DCDC1: variants seen among roughly 807,000 people sequenced by gnomAD.
The protein encoded by DCDC1 is doublecortin domain containing 1.
In DCDC1, 200 loss-of-function variants were observed where a neutral mutation model predicts 178.3. That is an observed-to-expected ratio of 1.12 (90% confidence interval 1.00 to 1.26). The LOEUF is 1.26. DCDC1 is among the 50% of genes most tolerant of loss of function. The probability of loss-of-function intolerance (pLI) is 0.00; values close to 1 mark genes in which losing one functional copy is unlikely to be tolerated. For synonymous variants in DCDC1, 690 were observed against 604.8 expected (o/e 1.14, Z -2.07); for missense variants, 1,983 against 1,749.2 (o/e 1.13, Z -2.38).
At chr11:31,336,803 C>A (rs191689832) in intron 1 of DCDC1, among the ~76,000 whole-genome samples, 18 of 152,284 alleles carry the variant, frequency 1.2e-4, no homozygotes, top group Non-Finnish European at 2.6e-4. Flanking sequence ...CATGTTATGG[C>A]CAATGGCATG....
chr11:30,989,134 G>T (rs1220342410), intron 20 of DCDC1, among the ~76,000 whole-genome samples: 2 of 152,028 alleles, frequency 1.3e-5, no homozygotes, highest in African/African-American at 2.4e-5. Context: ...CAAAATAAGA[G>T]GGGGGGCAGT....
intron 9 of DCDC1, among the ~76,000 whole-genome samples, chr11:31,159,076 A>G (rs577310475): frequency 9.2e-5 from 14 of 152,318 alleles, no homozygotes; most frequent in African/African-American, 3.1e-4. Context: ...TTTGAGGACT[A>G]TTAAGAAAAT....
At chr11:31,193,108 C>T (rs951678827) in intron 9 of DCDC1, among the ~76,000 whole-genome samples, 1 of 152,118 alleles carries the variant, frequency 6.6e-6, no homozygotes, top group East Asian at 1.9e-4. Flanking sequence ...TGCTGGTTCT[C>T]GGCCTTTGGA....
In DCDC1 at chr11:31,120,836, G is replaced by A. The variant is rs146724305; in HGVS notation, c.1485+6633C>T. Among the ~76,000 whole-genome samples the A allele has an allele frequency of 3.6e-3, 550 of 152,190 alleles. 3 individuals are homozygous for A. Among genetic ancestry groups the A allele is most frequent in the African/African-American group, 0.013 (528 of 41,522 alleles). Reference sequence around the variant, plus strand: ...CTTTTCCACTCACCATCCCCCTACAGATTTGCTAATACCCTTTCCCAGCAA... The same window carrying A: ...CTTTTCCACTCACCATCCCCCTACAAATTTGCTAATACCCTTTCCCAGCAA... On this transcript the variant is annotated intron_variant, in intron 11 of 38. Coordinates refer to ENST00000684477, the MANE Select transcript of DCDC1 (RefSeq NM_001387274.1).
chr11:31,120,851 T>C (rs139227276), intron 11 of DCDC1, among the ~76,000 whole-genome samples: 1 of 152,270 alleles, frequency 6.6e-6, no homozygotes, highest in East Asian at 1.9e-4. Context: ...GCTAATACCC[T>C]TTCCCAGCAA....
chr11:31,241,090 C>T (rs1456447600), intron 9 of DCDC1, among the ~76,000 whole-genome samples: 1 of 151,892 alleles, frequency 6.6e-6, no homozygotes, highest in Non-Finnish European at 1.5e-5. Context: ...TGATTTTATG[C>T]TGGAAAAAAA....
intron 20 of DCDC1, among the ~76,000 whole-genome samples, chr11:31,003,605 A>C (rs1243227896): frequency 3.3e-5 from 5 of 152,236 alleles, no homozygotes; most frequent in Non-Finnish European, 7.3e-5. Context: ...TAATGAAAAT[A>C]AGGAGGAAAG....
intron 9 of DCDC1, among the ~76,000 whole-genome samples, chr11:31,206,537 C>T (rs1172517180): frequency 6.6e-6 from 1 of 152,130 alleles, no homozygotes; most frequent in African/African-American, 2.4e-5. Flanking sequence ...CCTCAGCCTC[C>T]GGAGTAGCTG....
chr11:31,051,069 G>A (rs367794137), intron 20 of DCDC1, among the ~76,000 whole-genome samples: 1 of 151,976 alleles, frequency 6.6e-6, no homozygotes, highest in Non-Finnish European at 1.5e-5. Flanking sequence ...CCAATCCAAG[G>A]AAATCCAAAA....
intron 9 of DCDC1, among the ~76,000 whole-genome samples, chr11:31,147,712 T>C (rs1048851743): frequency 5.3e-5 from 8 of 152,152 alleles, no homozygotes; most frequent in Non-Finnish European, 8.8e-5. Context: ...TTAGGGCTGA[T>C]GGGTTGCAAT....
intron 9 of DCDC1, among the ~76,000 whole-genome samples, chr11:31,220,197 C>A (rs1289792798): frequency 6.6e-6 from 1 of 152,070 alleles, no homozygotes; most frequent in Non-Finnish European, 1.5e-5. Context: ...ATAAAACACT[C>A]AATAAGGATT....
intron 1 of DCDC1, among the ~76,000 whole-genome samples, chr11:31,362,200 C>T (rs1027099734): frequency 6.6e-6 from 1 of 152,104 alleles, no homozygotes; most frequent in Non-Finnish European, 1.5e-5. Context: ...GTACACTGTA[C>T]TATGGAATAA....
At chr11:31,168,775 A>G (rs1373285835) in intron 9 of DCDC1, among the ~76,000 whole-genome samples, 1 of 147,244 alleles carries the variant, frequency 6.8e-6, no homozygotes, top group Non-Finnish European at 1.5e-5. Context: ...AGATTGTTGT[A>G]AGGAGTAAAT....
chr11:31,252,970 A>G (rs1944155412), intron 8 of DCDC1, among the ~76,000 whole-genome samples: 1 of 152,086 alleles, frequency 6.6e-6, no homozygotes, highest in African/African-American at 2.4e-5. Flanking sequence ...TAAATCAATC[A>G]ACAACACTGT....
At chr11:30,936,280 G>T (rs527324470) in intron 21 of DCDC1, among the ~76,000 whole-genome samples, 2 of 152,204 alleles carry the variant, frequency 1.3e-5, no homozygotes, top group African/African-American at 4.8e-5. Flanking sequence ...ACTCATAGAG[G>T]GACAATCCCA....
At chr11:31,263,533 G>GA in intron 8 of DCDC1, among the ~76,000 whole-genome samples, 1 of 152,164 alleles carries the variant, frequency 6.6e-6, no homozygotes, top group Non-Finnish European at 1.5e-5. Flanking sequence ...GTAATAAAAT[G>GA]AAAAATAGTT....
At chr11:31,090,015 G>T (rs1416210095) in intron 17 of DCDC1, among the ~76,000 whole-genome samples, 2 of 152,134 alleles carry the variant, frequency 1.3e-5, no homozygotes, top group African/African-American at 4.8e-5. Context: ...CATTGGCATT[G>T]GCATTGCAAG....
intron 9 of DCDC1, among the ~76,000 whole-genome samples, chr11:31,168,018 C>A (rs1966853496): frequency 6.6e-6 from 1 of 152,144 alleles, no homozygotes; most frequent in South Asian, 2.1e-4. Context: ...CACACACATG[C>A]ATGCACAAAC....
intron 20 of DCDC1, among the ~76,000 whole-genome samples, chr11:30,996,906 G>A (rs189460450): frequency 1.4e-3 from 215 of 152,214 alleles, no homozygotes; most frequent in Middle Eastern, 3.4e-3. Context: ...GTATAGCAGC[G>A]TTCATCATCA....
Sources: allele counts gnomAD v4.1 joint callset (sites outside exome capture counted in the v4.1 genomes callset), GRCh38; gene constraint gnomAD v4.1.1; transcripts MANE v1.5; gene names NCBI Gene and HGNC (gene_info 2026-07-23, HGNC 2026-07-21).